Variants in NFATC2 observed in about 807,000 individuals in gnomAD.
The protein encoded by NFATC2 is nuclear factor of activated T cells 2, also known as nuclear factor of activated T-cells, cytoplasmic 2.
NFATC2 carries 22 observed loss-of-function variants against 87.3 expected under a neutral mutation model. That is an observed-to-expected ratio of 0.25 (90% CI 0.18 to 0.36). The LOEUF (loss-of-function observed/expected upper bound fraction) is 0.36. Ranked by LOEUF, NFATC2 falls within the 10% of genes least tolerant of loss-of-function variation. The pLI, the probability that NFATC2 is intolerant of heterozygous loss-of-function variation, is 1.00. For missense variants in NFATC2, 1,149 were observed against 1,259.1 expected (o/e 0.91, Z 1.32); for synonymous variants, 565 against 542.2 (o/e 1.04, Z -0.58).
chr20:51,493,623 C>T (rs1310093376), intron 3 of NFATC2, among the ~76,000 whole-genome samples: 2 of 152,170 alleles, frequency 1.3e-5, no homozygotes, highest in African/African-American at 4.8e-5. Flanking sequence ...TGAGGCCCCT[C>T]GAATGCAGCA....
chr20:51,440,355 G>C (rs1984164674), intron 6 of NFATC2, among the ~76,000 whole-genome samples: 1 of 151,410 alleles, frequency 6.6e-6, no homozygotes, highest in Non-Finnish European at 1.5e-5. Context: ...TCCACAATGT[G>C]TCAATACTGA....
intron 9 of NFATC2, among the ~76,000 whole-genome samples, chr20:51,401,098 A>G (rs1228642759): frequency 1.3e-5 from 2 of 152,216 alleles, no homozygotes; most frequent in Non-Finnish European, 2.9e-5. Context: ...GGCCAGGCAC[A>G]GTGGCTCATG....
chr20:51,450,037 A>T (rs1985578057), intron 6 of NFATC2, among the ~76,000 whole-genome samples: 2 of 152,236 alleles, frequency 1.3e-5, no homozygotes, highest in South Asian at 4.1e-4. Flanking sequence ...AAGAGCTAAC[A>T]TCTAATGAGC....
At chr20:51,452,562 T>A (rs1252130549) in intron 6 of NFATC2, among the ~76,000 whole-genome samples, 2 of 152,110 alleles carry the variant, frequency 1.3e-5, no homozygotes, top group African/African-American at 4.8e-5. Flanking sequence ...AGAGGTGAGA[T>A]CATGGTTCAT....
intron 1 of NFATC2, among the ~76,000 whole-genome samples, chr20:51,560,533 G>A (rs1405147371): frequency 2.0e-5 from 3 of 152,052 alleles, no homozygotes; most frequent in Admixed American, 6.5e-5. Flanking sequence ...TCTATTTAAC[G>A]ACCCCACCCA....
Position 51,402,589 on chromosome 20 carries a change from A to AAAAT in NFATC2, c.2723-3863_2723-3860dup, listed in dbSNP as rs374947521. Among the ~76,000 whole-genome samples, 228 of 152,386 alleles carry AAAAT rather than the reference A, an allele frequency of 1.5e-3. 1 individual carries two copies. Among genetic ancestry groups the AAAAT allele is most frequent in the African/African-American group, 5.2e-3 (217 of 41,588 alleles). ...AGCCTGTGATCACAAATGAGATAAT[A>AAAAT]AAATAAATACCTGAGTTTTGGGGAA... On this transcript the variant is annotated intron_variant, in intron 9 of 10. Transcript: ENST00000371564.
intron 7 of NFATC2, 41 bp from the exon 8 acceptor site, chr20:51,435,355 T>C (rs1474150279): frequency 1.2e-6 from 2 of 1,613,258 alleles, no homozygotes; most frequent in Non-Finnish European, 1.7e-6. Context: ...TGCAATCATG[T>C]CTCAGTTCCT....
At chr20:51,526,941 C>A (rs2146738890) in intron 1 of NFATC2, among the ~76,000 whole-genome samples, 1 of 152,226 alleles carries the variant, frequency 6.6e-6, no homozygotes, top group South Asian at 2.1e-4. Context: ...CTCAGCTGCC[C>A]AGGTTGAAGT....
rs1555803762 is a variant in NFATC2, at chr20:51,480,289, A to AAAAAT, written c.1333-4630_1333-4629insATTTT. ...GGTCACAAAGCAAGACTCTGTCTCA[A>AAAAAT]AAAAAATAGAATGTGCTTCCTGCCG... On this transcript the variant is annotated intron_variant, in intron 3 of 10. Coordinates refer to ENST00000371564, the MANE Select transcript of NFATC2 (RefSeq NM_012340.5). This position sits in a 1 kb window ranked among gnomAD's most constrained non-coding sequence, Gnocchi z 4.2. Among the ~76,000 whole-genome samples the AAAAAT allele has an allele frequency of 1.8e-4, 27 of 151,696 alleles. No homozygotes were observed. Among genetic ancestry groups the AAAAAT allele is most frequent in the African/African-American group, 6.6e-4 (27 of 41,216 alleles).
At chr20:51,396,040 A>AGCTCC (rs1987049659) in intron 10 of NFATC2, among the ~76,000 whole-genome samples, 2 of 760 alleles carry the variant, frequency 2.6e-3, no homozygotes, top group African/African-American at 0.012. Context: ...CCTAGTATGT[A>AGCTCC]TATATATATA....
At chr20:51,460,392 C>T (rs983460970) in intron 5 of NFATC2, among the ~76,000 whole-genome samples, 1 of 152,174 alleles carries the variant, frequency 6.6e-6, no homozygotes, top group Non-Finnish European at 1.5e-5. Context: ...AACAGTCCCA[C>T]TTCACAGGTC....
Position 51,437,416 on chromosome 20 carries a change from T to C in NFATC2, c.1850-1655A>G, listed in dbSNP as rs117529203. ...ACTCTGCGAGGTGGGCTGGAGTACATAGCACTTCCCAAGGTTTGACCAATG... is the reference window on the plus strand; with the variant it reads ...ACTCTGCGAGGTGGGCTGGAGTACACAGCACTTCCCAAGGTTTGACCAATG... On this transcript the variant is annotated intron_variant, in intron 6 of 10. Transcript: ENST00000371564. Among the ~76,000 whole-genome samples, 280 of 152,302 alleles carry C rather than the reference T, an allele frequency of 1.8e-3. 2 individuals are homozygous for C. The East Asian group carries it at 0.019, about 10-fold the overall frequency.
chr20:51,482,048 C>T (rs1989304741), intron 3 of NFATC2, among the ~76,000 whole-genome samples: 1 of 152,170 alleles, frequency 6.6e-6, no homozygotes, highest in Admixed American at 6.5e-5. Flanking sequence ...TGGCAACAGC[C>T]TCCACTGGCC....
chr20:51,470,882 C>T (rs1988141888), intron 5 of NFATC2, among the ~76,000 whole-genome samples: 1 of 152,026 alleles, frequency 6.6e-6, no homozygotes, highest in Admixed American at 6.5e-5. Flanking sequence ...ACTAGAGTGG[C>T]CAACTGGTAG....
intron 1 of NFATC2, among the ~76,000 whole-genome samples, chr20:51,536,122 A>G (rs2076715801): frequency 6.6e-6 from 1 of 152,220 alleles, no homozygotes; most frequent in Admixed American, 6.5e-5. Flanking sequence ...TCTCATTTCT[A>G]CCTTAGCCAG....
At chr20:51,421,073 T>TAAAAAAAAA (rs5841842) in intron 9 of NFATC2, among the ~76,000 whole-genome samples, 1 of 130,388 alleles carries the variant, frequency 7.7e-6, no homozygotes. Context: ...CCCTATGTCT[T>TAAAAAAAAA]AAAAAAAAAA....
Position 51,541,697 on chromosome 20 carries a change from C to T in NFATC2, c.130+673G>A, listed in dbSNP as rs544737145. Among the ~76,000 whole-genome samples the T allele has an allele frequency of 1.4e-3, 213 of 152,304 alleles. 2 individuals are homozygous for T. The South Asian group carries it at 0.019, about 14-fold the overall frequency. ...TCACTTAATATAGCTCAGACCAATC[C>T]TCTTGTGAGTGGTAAGTGATGGGTT... On this transcript the variant is annotated intron_variant, in intron 1 of 10. Transcript: ENST00000371564.
At chr20:51,470,808 A>G (rs1427521747) in intron 5 of NFATC2, among the ~76,000 whole-genome samples, 1 of 152,248 alleles carries the variant, frequency 6.6e-6, no homozygotes, top group Non-Finnish European at 1.5e-5. Flanking sequence ...TGGACCTACT[A>G]GGCACTGGTC....
intron 3 of NFATC2, among the ~76,000 whole-genome samples, chr20:51,516,113 G>A (rs2076346487): frequency 6.6e-6 from 1 of 151,786 alleles, no homozygotes; most frequent in Admixed American, 6.6e-5. Context: ...GGGAAAAATA[G>A]GCACACTTCT....
Sources: allele counts gnomAD v4.1 joint callset (sites outside exome capture counted in the v4.1 genomes callset), GRCh38; gene constraint gnomAD v4.1.1; non-coding constraint Gnocchi (gnomAD v3.1); transcripts MANE v1.5; gene names NCBI Gene and HGNC (gene_info 2026-07-23, HGNC 2026-07-21).